Variants in PACSIN2 observed in about 807,000 individuals in gnomAD.
PACSIN2 encodes the protein protein kinase C and casein kinase substrate in neurons protein 2.
PACSIN2 carries 25 observed loss-of-function variants against 63.8 expected under a neutral mutation model. The ratio of observed to expected loss-of-function variants is 0.39; its 90% CI spans 0.29 to 0.55. The LOEUF is 0.55. PACSIN2 is among the 20% of genes least tolerant of loss of function. The probability of loss-of-function intolerance (pLI) is 0.62; values close to 1 mark genes in which losing one functional copy is unlikely to be tolerated. For missense variants in PACSIN2, 518 were observed against 646.9 expected (o/e 0.80, Z 2.16); for synonymous variants, 255 against 256.2 (o/e 1.00, Z 0.05).
At position 42,869,787 on chromosome 22, in the gene PACSIN2, T is replaced by C. The variant is rs2146608823; in HGVS notation, c.*1570A>G. The C allele has an allele frequency of 6.6e-6, 1 of 152,406 alleles. No individual in the cohort carries two copies. The highest frequency in any genetic ancestry group is 2.1e-4 in the South Asian group (1 of 4,830). 9.4% of individuals were successfully genotyped at this position (152,406 alleles called of 1,614,324 possible). A position where few individuals can be genotyped will look rare whatever the true frequency, so the allele number is the denominator to read the frequency against. ...GGACTTCCATATGCACGAGATCAAC[T>C]GTTTATTGATTTTTTTCCTCAAATA... On this transcript the variant is annotated 3_prime_UTR_variant, in exon 11 of 11. Coordinates refer to ENST00000263246, the MANE Select transcript of PACSIN2 (RefSeq NM_001184970.3).
chr22:42,936,917 A>AAG (rs1555925487), intron 1 of PACSIN2, among the ~76,000 whole-genome samples: 2 of 117,128 alleles, frequency 1.7e-5, no homozygotes, highest in African/African-American at 6.7e-5. Context: ...CCTCAAAAAA[A>AAG]GGGGGGGGGG....
chr22:42,923,513 C>T (rs777604355), intron 1 of PACSIN2, among the ~76,000 whole-genome samples: 9 of 152,078 alleles, frequency 5.9e-5, no homozygotes, highest in Non-Finnish European at 1.2e-4. Context: ...CTGTAAGCTC[C>T]GCCTCCCGGG....
chr22:42,875,503 G>C (rs1367816940), intron 10 of PACSIN2, among the ~76,000 whole-genome samples: 1 of 151,906 alleles, frequency 6.6e-6, no homozygotes, highest in Non-Finnish European at 1.5e-5. Context: ...CCAGAGAGCT[G>C]GGACTACAGG....
At chr22:42,942,793 T>A (rs1026815073) in intron 1 of PACSIN2, among the ~76,000 whole-genome samples, 3 of 152,252 alleles carry the variant, frequency 2.0e-5, no homozygotes, top group African/African-American at 4.8e-5. Context: ...CGCACCACAC[T>A]GTTTCTTGAA....
At chr22:42,883,245 C>G (rs890915001) in intron 6 of PACSIN2, among the ~76,000 whole-genome samples, 1 of 152,176 alleles carries the variant, frequency 6.6e-6, no homozygotes, top group East Asian at 1.9e-4. Context: ...GTCATTTAAT[C>G]TCACCCAGCC....
intron 1 of PACSIN2, among the ~76,000 whole-genome samples, chr22:42,921,740 C>CTT (rs538286179): frequency 3.3e-4 from 48 of 144,646 alleles, no homozygotes; most frequent in Non-Finnish European, 3.9e-4. Flanking sequence ...CATTTAGAAG[C>CTT]TTTTTTTTTT....
At chr22:42,884,875 G>A (rs1309931727) in intron 5 of PACSIN2, among the ~76,000 whole-genome samples, 3 of 152,226 alleles carry the variant, frequency 2.0e-5, no homozygotes, top group African/African-American at 7.2e-5. Flanking sequence ...TCCCTGTGGG[G>A]AAGGGCTGTG....
intron 2 of PACSIN2, among the ~76,000 whole-genome samples, chr22:42,900,038 C>T (rs1156661784): frequency 6.6e-6 from 1 of 152,158 alleles, no homozygotes; most frequent in East Asian, 1.9e-4. Flanking sequence ...CTGCCCCCAT[C>T]TCAGCTCTCT....
intron 1 of PACSIN2, among the ~76,000 whole-genome samples, chr22:43,012,187 AT>A: frequency 6.7e-6 from 1 of 148,328 alleles, no homozygotes; most frequent in Admixed American, 6.8e-5. Flanking sequence ...ACATACATAC[AT>A]ACATACATAC....
chr22:42,889,373 T>TACACACACACATACACACACACAC (rs68042145), intron 4 of PACSIN2, among the ~76,000 whole-genome samples: 4 of 122,424 alleles, frequency 3.3e-5, no homozygotes. Flanking sequence ...TAATGGTTTT[T>TACACACACACATACACACACACAC]ACACACACAC....
intron 1 of PACSIN2, among the ~76,000 whole-genome samples, chr22:42,920,313 T>C (rs574005491): frequency 3.3e-5 from 5 of 152,284 alleles, no homozygotes; most frequent in Non-Finnish European, 7.4e-5. Context: ...ATCAGAAGCA[T>C]GCCATCCGAA....
chr22:43,002,021 G>C lies in PACSIN2; in HGVS notation c.-78+13000C>G, dbSNP rs139824479. On this transcript the variant is annotated intron_variant, in intron 1 of 10. Coordinates refer to ENST00000263246, the MANE Select transcript of PACSIN2 (RefSeq NM_001184970.3). Reference sequence around the variant, plus strand: ...GGGTAGGAAAGTCAGTCCATGGGGAGGGGACATGGTGACAAGTTCCACAGC... The same window carrying C: ...GGGTAGGAAAGTCAGTCCATGGGGACGGGACATGGTGACAAGTTCCACAGC... Among the ~76,000 whole-genome samples, 3 of 152,314 alleles carry C rather than the reference G, an allele frequency of 2.0e-5. No homozygotes were observed. In the East Asian group the frequency reaches 5.8e-4, roughly 29 times the overall value.
intron 7 of PACSIN2, among the ~76,000 whole-genome samples, chr22:42,881,823 C>T (rs1289564637): frequency 6.6e-6 from 1 of 152,066 alleles, no homozygotes; most frequent in Admixed American, 6.5e-5. Flanking sequence ...ACTGTGGCTG[C>T]TCCCTTCCTG....
intron 1 of PACSIN2, among the ~76,000 whole-genome samples, chr22:42,935,095 T>TG (rs1467855929): frequency 6.6e-6 from 1 of 150,440 alleles, no homozygotes; most frequent in African/African-American, 2.5e-5. Context: ...TTTTTTTTTT[T>TG]TTTTTATTTT....
chr22:42,888,464 T>C (rs761726100), intron 5 of PACSIN2, among the ~76,000 whole-genome samples, 179 bp downstream of exon 5: 4 of 152,188 alleles, frequency 2.6e-5, no homozygotes, highest in Non-Finnish European at 5.9e-5. Flanking sequence ...ACAGTGGCTA[T>C]GGTGAGGCGA....
At chr22:42,898,969 C>T (rs1246290529) in intron 2 of PACSIN2, among the ~76,000 whole-genome samples, 9 of 152,162 alleles carry the variant, frequency 5.9e-5, no homozygotes, top group Non-Finnish European at 8.8e-5. Flanking sequence ...CACGTCAGCT[C>T]CTCCTCCATC....
At chr22:42,925,245 C>A (rs1311969618) in intron 1 of PACSIN2, among the ~76,000 whole-genome samples, 1 of 151,916 alleles carries the variant, frequency 6.6e-6, no homozygotes, top group Admixed American at 6.6e-5. Context: ...TTTGGGCGGC[C>A]GAGGCTGGCG....
intron 1 of PACSIN2, among the ~76,000 whole-genome samples, chr22:42,964,911 TA>T (rs1351747829): frequency 2.0e-5 from 3 of 152,152 alleles, no homozygotes. Context: ...ATGGCTTGGA[TA>T]AAAAGAAGAT....
intron 1 of PACSIN2, among the ~76,000 whole-genome samples, chr22:42,926,174 T>C (rs895066538): frequency 6.6e-6 from 1 of 152,242 alleles, no homozygotes; most frequent in Non-Finnish European, 1.5e-5. Context: ...AAGTGACTTA[T>C]ATCTCTCTGG....
Sources: allele counts gnomAD v4.1 joint callset (sites outside exome capture counted in the v4.1 genomes callset), GRCh38; gene constraint gnomAD v4.1.1; transcripts MANE v1.5; gene names NCBI Gene and HGNC (gene_info 2026-07-23, HGNC 2026-07-21).